Variants in NUP98 observed in about 807,000 individuals in gnomAD.
NUP98 encodes the protein nucleoporin 98 and 96 precursor, also known as nuclear pore complex protein Nup98-Nup96.
Under a neutral mutation model 191.9 loss-of-function variants are expected in NUP98, and 26 were observed. The ratio of observed to expected loss-of-function variants is 0.14; its 90% CI spans 0.10 to 0.19. The LOEUF is 0.19. Ranked by LOEUF, NUP98 falls within the 10% of genes least tolerant of loss-of-function variation. The pLI is 1.00. For synonymous variants in NUP98, 808 were observed against 778.4 expected, an observed-to-expected ratio of 1.04 and a Z score of -0.63; for missense variants, 1,941 against 2,178.8, an observed-to-expected ratio of 0.89 and a Z score of 2.17.
chr11:3,775,318 T>C (rs548991415), intron 5 of NUP98, among the ~76,000 whole-genome samples: 1 of 152,150 alleles, frequency 6.6e-6, no homozygotes, highest in South Asian at 2.1e-4. Flanking sequence ...TCACCTGAGG[T>C]CAGCAGTTCG....
rs1325247248 is a variant in NUP98, at chr11:3,675,625, T to C, written c.*534A>G. Reference sequence around the variant, plus strand: ...TAAGTGTGTCAGAAAGATCCCATTTTGTTTCCTAACTCAGGCCAACCCTCC... The same window carrying C: ...TAAGTGTGTCAGAAAGATCCCATTTCGTTTCCTAACTCAGGCCAACCCTCC... On this transcript the variant is annotated 3_prime_UTR_variant, in exon 33 of 33. Coordinates refer to ENST00000324932, the MANE Select transcript of NUP98 (RefSeq NM_016320.5). 1 of 241,094 alleles carries C rather than the reference T, an allele frequency of 4.1e-6. No individual in the cohort carries two copies. Among genetic ancestry groups the C allele is most frequent in the Non-Finnish European group, 8.2e-6 (1 of 121,522 alleles). The allele number at this position is 241,094 out of a possible 1,614,324, so 14.9% of individuals were successfully genotyped here.
At position 3,686,158 on chromosome 11, in the gene NUP98, G is replaced by A. The variant is rs57867315; in HGVS notation, c.4491C>T (p.Ser1497=). The change falls in exon 29 of 33, where the codon AGC becomes AGT. Residue 1497 remains serine, a synonymous_variant. Coordinates refer to ENST00000324932, the MANE Select transcript of NUP98 (RefSeq NM_016320.5). ...YDLNQLLEPR[S]ITADPLDYRL... ...GGTAGTCCAAAGGATCTGCTGTTAT[G>A]CTTCGAGGCTCCAGCAGCTGGTTGA... The A allele has an allele frequency of 6.2e-7, 1 of 1,614,254 alleles. No individual in the cohort carries two copies. The highest frequency in any genetic ancestry group is 2.2e-5 in the East Asian group (1 of 44,892).
chr11:3,750,872 G>T (rs1387603528), intron 11 of NUP98, among the ~76,000 whole-genome samples: 1 of 151,762 alleles, frequency 6.6e-6, no homozygotes, highest in Non-Finnish European at 1.5e-5. Context: ...CTGACGTCAA[G>T]CAATCCTCCT....
intron 4 of NUP98, 104 bp from the exon 5 acceptor site, chr11:3,776,125 T>TC (rs889188197): frequency 1.4e-6 from 1 of 720,254 alleles, no homozygotes; most frequent in African/African-American, 1.8e-5. Flanking sequence ...TACTTCATTT[T>TC]TTTTTTTTTT....
In NUP98 at chr11:3,702,780, T is replaced by A; in HGVS notation, c.3195A>T (p.Thr1065=). 2 of 1,614,098 alleles carry A rather than the reference T, an allele frequency of 1.2e-6. No homozygotes were observed. Among genetic ancestry groups the A allele is most frequent in the African/African-American group, 1.3e-5 (1 of 74,998 alleles). Reference sequence around the variant, plus strand: ...GGGGTGGAGGGACAGACCAAGAGGATGTGGATGGGATATTCATTAAAGATG... The same window carrying A: ...GGGGTGGAGGGACAGACCAAGAGGAAGTGGATGGGATATTCATTAAAGATG... ...RAASLMNIPS[T]SSWSVPPPLT... Residue 1065 remains threonine, a synonymous_variant, in exon 23 of 33, where the codon ACA becomes ACT. Transcript: ENST00000324932.
At chr11:3,766,689 C>CAAAAAAAAAA (rs544567161) in intron 8 of NUP98, among the ~76,000 whole-genome samples, 18 of 58,862 alleles carry the variant, frequency 3.1e-4, no homozygotes, top group African/African-American at 5.6e-4. Flanking sequence ...AACTCCGTCT[C>CAAAAAAAAAA]AAAAAAAAAA....
chr11:3,757,734 G>C (rs561558493), intron 10 of NUP98, among the ~76,000 whole-genome samples: 3 of 152,162 alleles, frequency 2.0e-5, no homozygotes, highest in African/African-American at 7.2e-5. Context: ...AGGAGGCAGA[G>C]GTTGCAGTGA....
At chr11:3,690,626 T>C (rs949994543) in intron 28 of NUP98, among the ~76,000 whole-genome samples, 2 of 152,160 alleles carry the variant, frequency 1.3e-5, no homozygotes, top group African/African-American at 4.8e-5. Flanking sequence ...AGATACTACA[T>C]GCCCAATAAA....
At chr11:3,713,591 T>C (rs1469882546) in intron 19 of NUP98, among the ~76,000 whole-genome samples, 1 of 152,148 alleles carries the variant, frequency 6.6e-6, no homozygotes, top group East Asian at 1.9e-4. Flanking sequence ...TGGTAGTGCA[T>C]GCCTATAATC....
At chr11:3,702,314 CT>C (rs1189953216) in intron 23 of NUP98, 148 bp downstream of exon 23, 12 of 72,630 alleles carry the variant, frequency 1.7e-4, no homozygotes, top group African/African-American at 4.2e-4. Flanking sequence ...CACACACACA[CT>C]CTCTCTCTCT....
intron 1 of NUP98, among the ~76,000 whole-genome samples, chr11:3,785,011 G>A (rs774627197): frequency 1.4e-4 from 21 of 152,008 alleles, no homozygotes; most frequent in Non-Finnish European, 2.4e-4. Flanking sequence ...GGTGGCAGGC[G>A]CCTGCCGTCC....
chr11:3,681,474 G>A (rs2077981724), intron 30 of NUP98, among the ~76,000 whole-genome samples: 1 of 152,206 alleles, frequency 6.6e-6, no homozygotes, highest in Non-Finnish European at 1.5e-5. Context: ...AGGCTTGAAA[G>A]CTGAATTACT....
intron 10 of NUP98, among the ~76,000 whole-genome samples, chr11:3,756,754 T>A (rs1323392218): frequency 1.3e-5 from 2 of 152,068 alleles, no homozygotes; most frequent in African/African-American, 4.8e-5. Flanking sequence ...ATCATATATA[T>A]CTTAATATAC....
intron 4 of NUP98, among the ~76,000 whole-genome samples, 165 bp downstream of exon 4, chr11:3,778,708 C>T (rs2081841204): frequency 6.6e-6 from 1 of 152,202 alleles, no homozygotes; most frequent in Admixed American, 6.5e-5. Context: ...TCTTCCTTTC[C>T]AGCCTATTAA....
intron 25 of NUP98, among the ~76,000 whole-genome samples, chr11:3,698,018 A>G (rs960609081): frequency 9.2e-5 from 14 of 152,184 alleles, no homozygotes; most frequent in Admixed American, 8.5e-4. Flanking sequence ...AACATATTTT[A>G]TAGCAATTCA....
chr11:3,731,988 T>C (rs772199013), intron 13 of NUP98, among the ~76,000 whole-genome samples: 2 of 152,248 alleles, frequency 1.3e-5, no homozygotes, highest in Admixed American at 6.5e-5. Flanking sequence ...GTGTGAATAC[T>C]AACCGAACTG....
At chr11:3,687,459 C>T (rs2078165369) in intron 28 of NUP98, among the ~76,000 whole-genome samples, 1 of 152,126 alleles carries the variant, frequency 6.6e-6, no homozygotes, top group African/African-American at 2.4e-5. Context: ...AAATCTTCTG[C>T]CTAACCTACA....
At chr11:3,775,704 G>C (rs1486669799) in intron 5 of NUP98, among the ~76,000 whole-genome samples, 178 bp downstream of exon 5, 1 of 152,076 alleles carries the variant, frequency 6.6e-6, no homozygotes, top group East Asian at 1.9e-4. Context: ...TCGTAATCTA[G>C]ATTTACATTT....
intron 20 of NUP98, among the ~76,000 whole-genome samples, chr11:3,707,067 A>G (rs2078883407): frequency 1.3e-5 from 2 of 152,230 alleles, no homozygotes; most frequent in Non-Finnish European, 2.9e-5. Flanking sequence ...CTTTTTCTTA[A>G]AAACATTTAG....
Sources: allele counts gnomAD v4.1 joint callset (sites outside exome capture counted in the v4.1 genomes callset), GRCh38; gene constraint gnomAD v4.1.1; transcripts MANE v1.5; gene names NCBI Gene and HGNC (gene_info 2026-07-23, HGNC 2026-07-21).